Variants in SORCS1 observed in about 807,000 individuals in gnomAD.
SORCS1 encodes VPS10 domain-containing receptor SorCS1.
A neutral mutation model predicts 146.1 loss-of-function variants in SORCS1; 60 were observed. The observed-to-expected ratio is 0.41, with a 90% CI of 0.33 to 0.51. The LOEUF is 0.51. SORCS1 is among the 20% of genes least tolerant of loss of function. The pLI, the probability that SORCS1 is intolerant of heterozygous loss-of-function variation, is 0.21. For missense variants in SORCS1, 1,352 were observed against 1,487.6 expected (o/e 0.91, Z 1.50); for synonymous variants, 637 against 584.0 (o/e 1.09, Z -1.31).
At chr10:106,606,405 A>G (rs900106644) in intron 23 of SORCS1, among the ~76,000 whole-genome samples, 1 of 152,150 alleles carries the variant, frequency 6.6e-6, no homozygotes, top group Non-Finnish European at 1.5e-5. Flanking sequence ...AATGTTACTC[A>G]TTACAAACAC....
chr10:106,767,519 C>T (rs11193041), intron 4 of SORCS1, among the ~76,000 whole-genome samples: 35,735 of 151,920 alleles, frequency 0.24, 4,534 homozygotes, highest in Non-Finnish European at 0.28. Context: ...GACAGAGTTT[C>T]GCTCTGTTGT....
In SORCS1 at chr10:106,939,941, G is replaced by A. The variant is rs540037855; in HGVS notation, c.626+16572C>T. On this transcript the variant is annotated intron_variant, in intron 2 of 25. Coordinates refer to ENST00000263054, the MANE Select transcript of SORCS1 (RefSeq NM_052918.5). Reference sequence around the variant, plus strand: ...CTTTGCTCAAAGTTGAGCCAGGTCCGTAGTGGAGACCTGTGTCCTGTTTCC... The same window carrying A: ...CTTTGCTCAAAGTTGAGCCAGGTCCATAGTGGAGACCTGTGTCCTGTTTCC... Among the ~76,000 whole-genome samples the A allele has an allele frequency of 1.7e-4, 26 of 152,334 alleles. No individual in the cohort carries two copies. The East Asian group carries it at 3.5e-3, about 20-fold the overall frequency.
intron 6 of SORCS1, among the ~76,000 whole-genome samples, chr10:106,720,746 T>C (rs113009770): frequency 2.0e-5 from 3 of 152,198 alleles, no homozygotes; most frequent in African/African-American, 7.2e-5. Context: ...AAGTTTTCTG[T>C]GCACCTTTGT....
intron 1 of SORCS1, among the ~76,000 whole-genome samples, chr10:107,011,928 G>A (rs759400586): frequency 6.6e-6 from 1 of 152,076 alleles, no homozygotes; most frequent in Non-Finnish European, 1.5e-5. Context: ...ATATTTGTAA[G>A]GACTGGTGAA....
At chr10:106,968,142 G>A (rs1028632900) in intron 1 of SORCS1, among the ~76,000 whole-genome samples, 16 of 152,116 alleles carry the variant, frequency 1.1e-4, no homozygotes, top group South Asian at 2.1e-4. Context: ...CCCAGGAGGC[G>A]GAGCTTGCAG....
At position 106,936,328 on chromosome 10, in the gene SORCS1, C is replaced by A. The variant is rs564006825; in HGVS notation, c.626+20185G>T. ...TAACTATTCCATGGAATCCTGTTCC[C>A]AGAAACAGCACAAAACTGAGATGAA... is the stretch of plus-strand genomic sequence containing the variant. On this transcript the variant is annotated intron_variant, in intron 2 of 25. Transcript: ENST00000263054. Among the ~76,000 whole-genome samples the A allele has an allele frequency of 3.3e-5, 5 of 152,264 alleles. No homozygotes were observed. In the South Asian group the frequency reaches 1.0e-3, roughly 32 times the overall value.
In SORCS1 at chr10:107,077,461, G is replaced by GT. The variant is rs529656101; in HGVS notation, c.558+86507dup. Reference sequence around the variant, plus strand: ...AAATGTAAAGGCATAATTTTTCTGTGTTTTTTTTTTAGATGTTTACATAGA... The same window carrying GT: ...AAATGTAAAGGCATAATTTTTCTGTGTTTTTTTTTTTAGATGTTTACATAGA... On this transcript the variant is annotated intron_variant, in intron 1 of 25. Transcript: ENST00000263054. Among the ~76,000 whole-genome samples, 1,353 of 145,422 alleles carry GT rather than the reference G, an allele frequency of 9.3e-3. 11 individuals are homozygous for GT. Among genetic ancestry groups the GT allele is most frequent in the African/African-American group, 0.031 (1,232 of 39,800 alleles).
chr10:106,592,935 T>C (rs10884334), intron 24 of SORCS1, among the ~76,000 whole-genome samples: 57,946 of 151,734 alleles, frequency 0.38, 13,667 homozygotes, highest in East Asian at 0.74. Flanking sequence ...CTCAGGAGTT[T>C]GAGACCAGCC....
rs1048508813 is a variant in SORCS1, at chr10:106,577,134, G to T, written c.*286C>A. On this transcript the variant is annotated 3_prime_UTR_variant, in exon 26 of 26. Coordinates refer to ENST00000263054, the MANE Select transcript of SORCS1 (RefSeq NM_052918.5). ...GAATTAAAAAGTCCCGATGCAGTGA[G>T]TGTTTGTTTGTTTGTTTGGATTTTG... The T allele has an allele frequency of 1.7e-6, 2 of 1,173,138 alleles. No homozygotes were observed. The highest frequency in any genetic ancestry group is 2.3e-6 in the Non-Finnish European group (2 of 868,592). The allele number at this position is 1,173,138 out of a possible 1,614,324, so 72.7% of individuals were successfully genotyped here. A position where few individuals can be genotyped will look rare whatever the true frequency, so the allele number is the denominator to read the frequency against.
chr10:107,014,253 CAAAAA>C (rs562179526), intron 1 of SORCS1, among the ~76,000 whole-genome samples: 28 of 79,336 alleles, frequency 3.5e-4, no homozygotes, highest in Non-Finnish European at 4.5e-4. Flanking sequence ...GACCCTGCGT[CAAAAA>C]AAAAAAAAAA....
At chr10:106,860,978 C>T (rs141274128) in intron 2 of SORCS1, among the ~76,000 whole-genome samples, 194 of 152,294 alleles carry the variant, frequency 1.3e-3, no homozygotes, top group Non-Finnish European at 2.2e-3. Context: ...TACATACACA[C>T]GTCCTTTATC....
At chr10:106,884,323 T>C (rs1480310988) in intron 2 of SORCS1, among the ~76,000 whole-genome samples, 5 of 152,328 alleles carry the variant, frequency 3.3e-5, no homozygotes, top group African/African-American at 1.2e-4. Flanking sequence ...CGTAAGATTA[T>C]CTAAGCTATA....
intron 24 of SORCS1, among the ~76,000 whole-genome samples, chr10:106,580,123 G>A (rs925752376): frequency 4.6e-5 from 7 of 152,136 alleles, no homozygotes; most frequent in African/African-American, 1.7e-4. Context: ...ATACGTGAGA[G>A]AAAGAACAGC....
At chr10:106,765,509 T>C (rs566027936) in intron 4 of SORCS1, among the ~76,000 whole-genome samples, 1 of 152,244 alleles carries the variant, frequency 6.6e-6, no homozygotes, top group East Asian at 1.9e-4. Flanking sequence ...TTGAGAGCTT[T>C]GAGCCAACTG....
At chr10:106,599,621 A>C (rs987020423) in intron 23 of SORCS1, among the ~76,000 whole-genome samples, 2 of 151,764 alleles carry the variant, frequency 1.3e-5, no homozygotes, top group Non-Finnish European at 2.9e-5. Context: ...TTTTTTATTC[A>C]AATATGAAAG....
intron 1 of SORCS1, among the ~76,000 whole-genome samples, chr10:107,081,597 T>G (rs1963339287): frequency 6.6e-6 from 1 of 152,184 alleles, no homozygotes; most frequent in Non-Finnish European, 1.5e-5. Context: ...CTACTAATAG[T>G]TCATGTATTG....
chr10:106,838,614 A>G (rs1948890902), intron 2 of SORCS1, among the ~76,000 whole-genome samples: 1 of 152,220 alleles, frequency 6.6e-6, no homozygotes. Context: ...CCTAACCCAT[A>G]CTAACCACTG....
chr10:106,902,445 A>G (rs968409493), intron 2 of SORCS1, among the ~76,000 whole-genome samples: 6 of 152,206 alleles, frequency 3.9e-5, no homozygotes, highest in Middle Eastern at 3.2e-3. Flanking sequence ...TGATTTAACC[A>G]TACATTAGAA....
At chr10:106,704,634 G>A (rs571317049) in intron 8 of SORCS1, among the ~76,000 whole-genome samples, 2 of 152,320 alleles carry the variant, frequency 1.3e-5, no homozygotes, top group African/African-American at 4.8e-5. Flanking sequence ...AGGTTGCAGT[G>A]AGCCAAGACT....
Sources: allele counts gnomAD v4.1 joint callset (sites outside exome capture counted in the v4.1 genomes callset), GRCh38; gene constraint gnomAD v4.1.1; transcripts MANE v1.5; gene names NCBI Gene and HGNC (gene_info 2026-07-23, HGNC 2026-07-21).